Variants in KIRREL3 observed in about 807,000 individuals in gnomAD.
KIRREL3 encodes the protein kin of IRRE-like protein 3.
Under a neutral mutation model 89.7 loss-of-function variants are expected in KIRREL3, and 36 were observed. That is an observed-to-expected ratio of 0.40 (90% confidence interval 0.31 to 0.53). The LOEUF is 0.53. KIRREL3 is among the 20% of genes least tolerant of loss of function. KIRREL3 has a pLI of 0.49. For synonymous variants in KIRREL3, 445 were observed against 441.4 expected (o/e 1.01, Z -0.10); for missense variants, 864 against 1,056.6 (o/e 0.82, Z 2.53).
At chr11:126,910,288 A>C (rs1428046379) in intron 1 of KIRREL3, among the ~76,000 whole-genome samples, 1 of 152,192 alleles carries the variant, frequency 6.6e-6, no homozygotes. Flanking sequence ...AAAGGCTTTC[A>C]GATGCAGGAA....
chr11:126,975,453 T>G (rs1007415562), intron 1 of KIRREL3, among the ~76,000 whole-genome samples: 2 of 152,196 alleles, frequency 1.3e-5, no homozygotes, highest in African/African-American at 4.8e-5. Context: ...CCACCTACTG[T>G]GTGCCAGAAC....
In KIRREL3 at chr11:126,561,143, T is replaced by C. The variant is rs10893540; in HGVS notation, c.133+1692A>G. On this transcript the variant is annotated intron_variant, in intron 2 of 16. Transcript: ENST00000525144. The surrounding 1 kb of genome is among the most constrained non-coding windows in gnomAD (Gnocchi z 4.5). ...CTGGCTGGAGTGGAAGAAGAGGAGC[T>C]TCCTCCCTCCAGAGCCCTCCCTCTC... is the stretch of plus-strand genomic sequence containing the variant. Among the ~76,000 whole-genome samples the C allele has an allele frequency of 0.31, 46,904 of 152,010 alleles. 10,196 individuals carry two copies. Among genetic ancestry groups the C allele is most frequent in the African/African-American group, 0.61 (25,426 of 41,432 alleles).
rs1001080716 is a variant in KIRREL3, at chr11:126,519,663, G to A, written c.433+1652C>T. Among the ~76,000 whole-genome samples, 1 of 152,202 alleles carries A rather than the reference G, an allele frequency of 6.6e-6. No homozygotes were observed. Among genetic ancestry groups the A allele is most frequent in the Non-Finnish European group, 1.5e-5 (1 of 68,046 alleles). On this transcript the variant is annotated intron_variant, in intron 4 of 16. Transcript: ENST00000525144. The surrounding 1 kb of genome is among the most constrained non-coding windows in gnomAD (Gnocchi z 4.3). ...CCTCTAGAAGGTGTATGAGTCGGTA[G>A]AGGCAGATTCTTCTGAGGATGGAGG...
intron 7 of KIRREL3, among the ~76,000 whole-genome samples, chr11:126,453,885 C>A (rs1956258526): frequency 6.6e-6 from 1 of 152,138 alleles, no homozygotes; most frequent in Non-Finnish European, 1.5e-5. Flanking sequence ...GCCCTCCCTG[C>A]CCCTCCCAGC....
chr11:126,547,161 G>A (rs1938871326), intron 2 of KIRREL3, among the ~76,000 whole-genome samples: 1 of 152,286 alleles, frequency 6.6e-6, no homozygotes, highest in South Asian at 2.1e-4. Context: ...CCAGTTAGTG[G>A]CAGATCTGGG....
chr11:126,539,621 T>G (rs1938194468), intron 2 of KIRREL3, among the ~76,000 whole-genome samples: 1 of 152,128 alleles, frequency 6.6e-6, no homozygotes, highest in South Asian at 2.1e-4. Context: ...GATGAAAGTG[T>G]GAATGGATGA....
In KIRREL3 at chr11:126,628,489, AG is replaced by A. The variant is rs1380256925; in HGVS notation, c.56-65578del. On this transcript the variant is annotated intron_variant, in intron 1 of 16. Coordinates refer to ENST00000525144, the MANE Select transcript of KIRREL3 (RefSeq NM_032531.4). The surrounding 1 kb of genome is among the most constrained non-coding windows in gnomAD (Gnocchi z 5.2). The stretch of plus-strand genomic sequence containing the variant: ...GTAGGTGGTTAATGAATGTTTGCTG[AG>A]CAGGAAGAACAGTATATCCCGTTCT... Among the ~76,000 whole-genome samples the A allele has an allele frequency of 6.6e-6, 1 of 152,216 alleles. No homozygotes were observed. Among genetic ancestry groups the A allele is most frequent in the African/African-American group, 2.4e-5 (1 of 41,460 alleles).
chr11:126,602,057 A>G (rs1033688322), intron 1 of KIRREL3, among the ~76,000 whole-genome samples: 1 of 152,224 alleles, frequency 6.6e-6, no homozygotes, highest in Non-Finnish European at 1.5e-5. Flanking sequence ...AACTAATTGA[A>G]TGGCCGAGTT....
In KIRREL3 at chr11:126,940,566, TC is replaced by T. The variant is rs1333398386; in HGVS notation, c.55+59888del. The T allele has an allele frequency of 6.6e-6, 1 of 152,210 alleles. No homozygotes were observed. Among genetic ancestry groups the T allele is most frequent in the East Asian group, 1.9e-4 (1 of 5,192 alleles). 9.4% of individuals were successfully genotyped at this position (152,210 alleles called of 1,614,324 possible). A position where few individuals can be genotyped will look rare whatever the true frequency, so the allele number is the denominator to read the frequency against. ...CAGAGAGAAGTAACTTTTCCTCATT[TC>T]CACGGTGTGTGTGTGTGTCTGTGGG... On this transcript the variant is annotated intron_variant, in intron 1 of 16. Coordinates refer to ENST00000525144, the MANE Select transcript of KIRREL3 (RefSeq NM_032531.4). This position sits in a 1 kb window ranked among gnomAD's most constrained non-coding sequence, Gnocchi z 4.6.
intron 4 of KIRREL3, among the ~76,000 whole-genome samples, chr11:126,507,326 G>A: frequency 6.6e-6 from 1 of 152,062 alleles, no homozygotes. Flanking sequence ...CACTTAAAAT[G>A]GATGAATTTA....
intron 1 of KIRREL3, among the ~76,000 whole-genome samples, chr11:126,884,277 G>A (rs1389686672): frequency 6.6e-6 from 1 of 152,204 alleles, no homozygotes; most frequent in East Asian, 1.9e-4. Context: ...TCTGCTGGAA[G>A]CAGCTCTAGG....
intron 1 of KIRREL3, among the ~76,000 whole-genome samples, chr11:126,646,073 C>G (rs1359213147): frequency 6.6e-6 from 1 of 152,100 alleles, no homozygotes. Flanking sequence ...TAATACTCAG[C>G]AAGGCAATAA....
chr11:126,713,954 A>G (rs1353407807), intron 1 of KIRREL3, among the ~76,000 whole-genome samples: 1 of 152,122 alleles, frequency 6.6e-6, no homozygotes, highest in African/African-American at 2.4e-5. Context: ...CTGCAGACCA[A>G]ATTTGATTCC....
At position 126,892,314 on chromosome 11, in the gene KIRREL3, C is replaced by G. The variant is rs1945955291; in HGVS notation, c.55+108141G>C. Among the ~76,000 whole-genome samples, 1 of 152,152 alleles carries G rather than the reference C, an allele frequency of 6.6e-6. No homozygotes were observed. The highest frequency in any genetic ancestry group is 2.1e-4 in the South Asian group (1 of 4,822). ...GAAGCTGAGGGACTCCAGGGGACCCCAGCCCTCCTCAGGACCCACCGTGGA... is the reference window on the plus strand; with the variant it reads ...GAAGCTGAGGGACTCCAGGGGACCCGAGCCCTCCTCAGGACCCACCGTGGA... On this transcript the variant is annotated intron_variant, in intron 1 of 16. Transcript: ENST00000525144. The surrounding 1 kb of genome is among the most constrained non-coding windows in gnomAD (Gnocchi z 5.4).
At chr11:126,583,965 CCG>C (rs777743092) in intron 1 of KIRREL3, among the ~76,000 whole-genome samples, 142 of 152,320 alleles carry the variant, frequency 9.3e-4, no homozygotes, top group Non-Finnish European at 1.7e-3. Flanking sequence ...ATTATTTCCT[CCG>C]CGGCAACTAT....
In KIRREL3 at chr11:126,931,524, G is replaced by A. The variant is rs191247660; in HGVS notation, c.55+68931C>T. Among the ~76,000 whole-genome samples the A allele has an allele frequency of 3.9e-5, 6 of 152,294 alleles. No homozygotes were observed. Among genetic ancestry groups the A allele is most frequent in the Admixed American group, 2.0e-4 (3 of 15,302 alleles). The stretch of plus-strand genomic sequence containing the variant: ...CAGACTTTGAGACAATCTTAAATAC[G>A]TTCTTCTGAAGGCTCCCTTAAGTAA... On this transcript the variant is annotated intron_variant, in intron 1 of 16. Coordinates refer to ENST00000525144, the MANE Select transcript of KIRREL3 (RefSeq NM_032531.4). This position sits in a 1 kb window ranked among gnomAD's most constrained non-coding sequence, Gnocchi z 5.1.
In KIRREL3 at chr11:126,965,863, C is replaced by T. The variant is rs1383246665; in HGVS notation, c.55+34592G>A. Among the ~76,000 whole-genome samples the T allele has an allele frequency of 6.6e-6, 1 of 152,152 alleles. No homozygotes were observed. Among genetic ancestry groups the T allele is most frequent in the African/African-American group, 2.4e-5 (1 of 41,446 alleles). ...TCGATGTGTGTGGGTATCAGGTCAG[C>T]AGCTTTGAGGTTGTGCCATGTAATC... On this transcript the variant is annotated intron_variant, in intron 1 of 16. Coordinates refer to ENST00000525144, the MANE Select transcript of KIRREL3 (RefSeq NM_032531.4). The surrounding 1 kb of genome is among the most constrained non-coding windows in gnomAD (Gnocchi z 4.4).
rs1164321656 is a variant in KIRREL3, at chr11:126,797,292, A to G, written c.55+203163T>C. Among the ~76,000 whole-genome samples the G allele has an allele frequency of 2.0e-5, 3 of 152,230 alleles. No individual in the cohort carries two copies. Among genetic ancestry groups the G allele is most frequent in the Non-Finnish European group, 4.4e-5 (3 of 68,034 alleles). On this transcript the variant is annotated intron_variant, in intron 1 of 16. Coordinates refer to ENST00000525144, the MANE Select transcript of KIRREL3 (RefSeq NM_032531.4). The surrounding 1 kb of genome is among the most constrained non-coding windows in gnomAD (Gnocchi z 4.9). ...CAATTTCTCATCTATGAAATAGACTAATAACAACATTGTTTCAAAGAGCTG... is the reference window on the plus strand; with the variant it reads ...CAATTTCTCATCTATGAAATAGACTGATAACAACATTGTTTCAAAGAGCTG...
intron 7 of KIRREL3, among the ~76,000 whole-genome samples, chr11:126,450,575 GTGTGCA>G (rs1480952893): frequency 1.9e-4 from 28 of 151,222 alleles, no homozygotes; most frequent in African/African-American, 4.1e-4. Context: ...GCGTGTGCAT[GTGTGCA>G]TGTGCATGTG....
Sources: allele counts gnomAD v4.1 joint callset (sites outside exome capture counted in the v4.1 genomes callset), GRCh38; gene constraint gnomAD v4.1.1; non-coding constraint Gnocchi (gnomAD v3.1); transcripts MANE v1.5; gene names NCBI Gene and HGNC (gene_info 2026-07-23, HGNC 2026-07-21).